The following SIN3A variants were observed in gnomAD, a reference collection of about 807,000 sequenced individuals.
SIN3A encodes paired amphipathic helix protein Sin3a.
SIN3A carries 14 observed loss-of-function variants against 146.1 expected under a neutral mutation model. The ratio of observed to expected loss-of-function variants is 0.10; its 90% CI spans 0.06 to 0.15. The LOEUF (loss-of-function observed/expected upper bound fraction) is 0.15. Ranked by LOEUF, SIN3A falls within the 10% of genes least tolerant of loss-of-function variation. The pLI, the probability that SIN3A is intolerant of heterozygous loss-of-function variation, is 1.00. For synonymous variants in SIN3A, 572 were observed against 572.0 expected (o/e 1.00, Z 0.00); for missense variants, 1,028 against 1,576.0 (o/e 0.65, Z 5.89).
chr15:75,421,223 A>C (rs893211034), intron 3 of SIN3A: 1 of 152,232 alleles, frequency 6.6e-6, no homozygotes, highest in Non-Finnish European at 1.5e-5. Context: ...TATTTTCAGG[A>C]CTTAGTAAAG....
intron 19 of SIN3A, 22 bp from the exon 20 acceptor site, chr15:75,375,894 G>A (rs1040518758): frequency 6.2e-6 from 10 of 1,612,240 alleles, no homozygotes; most frequent in Non-Finnish European, 8.5e-6. Context: ...AAGCCCCGGA[G>A]GATGAGAGCT....
chr15:75,413,363 C>T (rs567178403), intron 4 of SIN3A, among the ~76,000 whole-genome samples: 4 of 152,066 alleles, frequency 2.6e-5, no homozygotes, highest in African/African-American at 7.2e-5. Flanking sequence ...TCAGGTGATC[C>T]GCCCACCTTG....
chr15:75,425,346 T>G (rs1357019884), intron 2 of SIN3A, among the ~76,000 whole-genome samples: 1 of 152,166 alleles, frequency 6.6e-6, no homozygotes, highest in Non-Finnish European at 1.5e-5. Context: ...AATTTTTGTA[T>G]TTTTAGTAGA....
chr15:75,407,807 C>T (rs992215311), intron 8 of SIN3A, among the ~76,000 whole-genome samples: 44 of 142,978 alleles, frequency 3.1e-4, no homozygotes, highest in African/African-American at 1.1e-3. Flanking sequence ...ACAGAAGAAT[C>T]GCTTGAACCC....
In SIN3A at chr15:75,414,275, G is replaced by A; in HGVS notation, c.403C>T (p.Leu135=). The A allele has an allele frequency of 6.4e-7, 1 of 1,558,522 alleles. No homozygotes were observed. The highest frequency in any genetic ancestry group is 8.7e-7 in the Non-Finnish European group (1 of 1,144,360). The change falls in exon 4 of 21, where the codon CTG becomes TTG. Residue 135 remains leucine (L), a synonymous_variant. Transcript: ENST00000394947. ...DALSYLDQVK[L]QFGSQPQVYN... is the part of the protein sequence containing the mutation. ...ACCTGAGGCTGACTACCAAACTGCAGCTTCACCTGGTCAAGATAAGATAGC... is the reference window on the plus strand; with the variant it reads ...ACCTGAGGCTGACTACCAAACTGCAACTTCACCTGGTCAAGATAAGATAGC...
At chr15:75,408,939 C>G (rs749325465) in intron 8 of SIN3A, among the ~76,000 whole-genome samples, 1 of 152,228 alleles carries the variant, frequency 6.6e-6, no homozygotes, top group Non-Finnish European at 1.5e-5. Flanking sequence ...CGCGGTGGCT[C>G]ACGCCTGTAA....
chr15:75,392,901 T>C (rs2073234296), intron 14 of SIN3A, 86 bp from the exon 15 acceptor site: 12 of 982,944 alleles, frequency 1.2e-5, no homozygotes, highest in Non-Finnish European at 1.5e-5. Flanking sequence ...TACATCCCAT[T>C]ATCAACCACA....
chr15:75,384,560 G>A (rs2073045090), intron 16 of SIN3A, 123 bp from the exon 17 acceptor site: 1 of 121,150 alleles, frequency 8.3e-6, no homozygotes, highest in Non-Finnish European at 1.6e-5. Flanking sequence ...GGGGGGTGGG[G>A]GGGTGCTGGC....
chr15:75,387,207 T>C (rs927861389), intron 16 of SIN3A, among the ~76,000 whole-genome samples: 6 of 151,382 alleles, frequency 4.0e-5, no homozygotes, highest in Non-Finnish European at 5.9e-5. Context: ...GTTAAAGGAG[T>C]TGAGAAGCTT....
Position 75,430,426 on chromosome 15 carries a change from A to G in SIN3A, c.-33-18T>C. 6.5e-7 allele frequency: 1 copy of G among 1,538,832 alleles called. No homozygotes were observed. The highest frequency in any genetic ancestry group is 8.8e-7 in the Non-Finnish European group (1 of 1,142,692). ...TACAAAACCTGCAGAAACCAAAAGCAATAGCATGCAAGTCAATTCTCACTC... is the reference window on the plus strand; with the variant it reads ...TACAAAACCTGCAGAAACCAAAAGCGATAGCATGCAAGTCAATTCTCACTC... On this transcript the variant is annotated intron_variant, in intron 1 of 20. Coordinates refer to ENST00000394947, the MANE Select transcript of SIN3A (RefSeq NM_001145358.2).
At chr15:75,430,917 A>T (rs916448618) in intron 1 of SIN3A, among the ~76,000 whole-genome samples, 4 of 152,056 alleles carry the variant, frequency 2.6e-5, no homozygotes, top group Non-Finnish European at 5.9e-5. Context: ...CTGGGACTAC[A>T]GGCACCCGCC....
intron 9 of SIN3A, among the ~76,000 whole-genome samples, chr15:75,403,777 T>C (rs2073457503): frequency 6.6e-6 from 1 of 152,084 alleles, no homozygotes; most frequent in African/African-American, 2.4e-5. Flanking sequence ...AACTCCTGAC[T>C]TCAGGTGATC....
intron 3 of SIN3A, 34 bp from the exon 4 acceptor site, chr15:75,414,345 G>A: frequency 5.2e-6 from 6 of 1,164,580 alleles, no homozygotes; most frequent in East Asian, 2.6e-5. Context: ...GTTATAAAAA[G>A]AAAGTAAGCT....
At chr15:75,432,035 A>C (rs1003410943) in intron 1 of SIN3A, among the ~76,000 whole-genome samples, 3 of 152,244 alleles carry the variant, frequency 2.0e-5, no homozygotes, top group African/African-American at 7.2e-5. Context: ...AATGGAGTTG[A>C]GAACGTTTCT....
chr15:75,447,889 C>T (rs1449274534), intron 1 of SIN3A: 5 of 152,110 alleles, frequency 3.3e-5, no homozygotes, highest in Non-Finnish European at 5.9e-5. Flanking sequence ...AATTGCCACC[C>T]ATGACCGGGC....
chr15:75,450,629 G>A (rs1212236090), intron 1 of SIN3A, among the ~76,000 whole-genome samples: 2 of 152,362 alleles, frequency 1.3e-5, no homozygotes, highest in South Asian at 2.1e-4. Context: ...TGCCAGACAC[G>A]CTGCATGGAG....
chr15:75,402,148 A>G (rs900788380), intron 9 of SIN3A, among the ~76,000 whole-genome samples, 178 bp from the exon 10 acceptor site: 2 of 151,902 alleles, frequency 1.3e-5, no homozygotes, highest in African/African-American at 4.8e-5. Flanking sequence ...ATGCCTGGCT[A>G]ATTTCTAAAT....
chr15:75,450,642 A>G (rs567989475), intron 1 of SIN3A, among the ~76,000 whole-genome samples: 16 of 152,318 alleles, frequency 1.1e-4, no homozygotes, highest in African/African-American at 3.6e-4. Flanking sequence ...GCATGGAGCA[A>G]AGCGGAGAAA....
At position 75,414,288 on chromosome 15, in the gene SIN3A, A is replaced by C. The variant is rs143140382; in HGVS notation, c.390T>G (p.Leu130=). 1 of 1,532,302 alleles carries C rather than the reference A, an allele frequency of 6.5e-7. No individual in the cohort carries two copies. Among genetic ancestry groups the C allele is most frequent in the Non-Finnish European group, 8.9e-7 (1 of 1,127,466 alleles). The allele number at this position is 1,532,302 out of a possible 1,614,324, so 94.9% of individuals were successfully genotyped here. A position where few individuals can be genotyped will look rare whatever the true frequency, so the allele number is the denominator to read the frequency against. The change falls in exon 4 of 21, where the codon CTT becomes CTG. Residue 130 remains leucine, a synonymous_variant. Transcript: ENST00000394947. Reference sequence around the variant, plus strand: ...TACCAAACTGCAGCTTCACCTGGTCAAGATAAGATAGCGCATCCTCCACCT... The same window carrying C: ...TACCAAACTGCAGCTTCACCTGGTCCAGATAAGATAGCGCATCCTCCACCT... The part of the protein sequence containing the change: ...RLKVEDALSY[L]DQVKLQFGSQ...
Sources: allele counts gnomAD v4.1 joint callset (sites outside exome capture counted in the v4.1 genomes callset), GRCh38; gene constraint gnomAD v4.1.1; transcripts MANE v1.5; gene names NCBI Gene and HGNC (gene_info 2026-07-23, HGNC 2026-07-21).